Variants in NRG1 observed in about 807,000 individuals in gnomAD.
The protein encoded by NRG1 is pro-neuregulin-1, membrane-bound isoform.
Under a neutral mutation model 63.8 loss-of-function variants are expected in NRG1, and 18 were observed. The observed-to-expected ratio is 0.28, with a 90% CI of 0.19 to 0.42. The LOEUF (loss-of-function observed/expected upper bound fraction) is 0.42, where lower values mean the gene tolerates loss of function less well. NRG1 is among the 10% of genes least tolerant of loss of function. The pLI, the probability that NRG1 is intolerant of heterozygous loss-of-function variation, is 1.00. For synonymous variants in NRG1, 302 were observed against 301.3 expected, an observed-to-expected ratio of 1.00 and a Z score of -0.02; for missense variants, 762 against 814.7, an observed-to-expected ratio of 0.94 and a Z score of 0.79.
intron 1 of NRG1, among the ~76,000 whole-genome samples, chr8:32,530,208 T>G (rs1044138005): frequency 6.6e-6 from 1 of 151,950 alleles, no homozygotes; most frequent in African/African-American, 2.4e-5. Flanking sequence ...CCCGGGTTCA[T>G]GCCATTCTCC....
intron 1 of NRG1, among the ~76,000 whole-genome samples, chr8:32,025,338 T>C (rs900041194): frequency 2.0e-5 from 3 of 152,114 alleles, no homozygotes; most frequent in African/African-American, 7.2e-5. Context: ...TACCATTAGA[T>C]ACATAAAATT....
chr8:32,755,206 G>A (rs16879931), intron 8 of NRG1, among the ~76,000 whole-genome samples: 8,756 of 152,078 alleles, frequency 0.058, 848 homozygotes, highest in African/African-American at 0.2. Context: ...AGTTTGGTCC[G>A]TATTAACAAA....
intron 5 of NRG1, among the ~76,000 whole-genome samples, chr8:32,684,093 G>A (rs562401848): frequency 6.6e-6 from 1 of 152,128 alleles, no homozygotes; most frequent in Non-Finnish European, 1.5e-5. Flanking sequence ...GCTACTCCGG[G>A]AGGCGGAGGT....
chr8:32,216,364 A>G (rs1197157296), intron 1 of NRG1, among the ~76,000 whole-genome samples: 2 of 149,160 alleles, frequency 1.3e-5, no homozygotes, highest in Non-Finnish European at 3.0e-5. Context: ...TTATCATTAT[A>G]TTAAATTCCT....
chr8:32,319,876 A>G (rs1801173392), intron 1 of NRG1, among the ~76,000 whole-genome samples: 1 of 152,178 alleles, frequency 6.6e-6, no homozygotes, highest in African/African-American at 2.4e-5. Flanking sequence ...GCACACTAAT[A>G]TAAATATTAA....
chr8:32,071,462 G>A (rs1320889178), intron 1 of NRG1, among the ~76,000 whole-genome samples: 1 of 152,098 alleles, frequency 6.6e-6, no homozygotes, highest in Non-Finnish European at 1.5e-5. Context: ...GAGCTAGTCT[G>A]GTCCTGGCTA....
rs549349109 is a variant in NRG1 at position 32,601,740 on chromosome 8, A to G, written c.279-3822A>G. Among the ~76,000 whole-genome samples the G allele has an allele frequency of 1.2e-4, 19 of 152,098 alleles. No homozygotes were observed. The South Asian group carries it at 2.7e-3, about 22-fold the overall frequency. Reference sequence around the variant, plus strand: ...TTTAATTATGTTTTTTTATCATCAAATATCATTCCAAAGTATATCCAAAGT... The same window carrying G: ...TTTAATTATGTTTTTTTATCATCAAGTATCATTCCAAAGTATATCCAAAGT... On this transcript the variant is annotated intron_variant, in intron 2 of 11. Coordinates refer to ENST00000356819, the Ensembl canonical transcript of NRG1.
chr8:32,087,506 G>T (rs376892711), intron 1 of NRG1, among the ~76,000 whole-genome samples: 13 of 11,352 alleles, frequency 1.1e-3, no homozygotes, highest in East Asian at 0.012. Flanking sequence ...TTTTGAGATG[G>T]ACTGTCACTC....
chr8:32,596,624 T>C (rs1365271589), intron 2 of NRG1, among the ~76,000 whole-genome samples: 2 of 151,906 alleles, frequency 1.3e-5, no homozygotes, highest in African/African-American at 4.8e-5. Flanking sequence ...TGCAATTTCT[T>C]TAAAATAAGA....
At chr8:31,709,082 A>T (rs879293841) in intron 1 of NRG1, among the ~76,000 whole-genome samples, 6 of 152,118 alleles carry the variant, frequency 3.9e-5, no homozygotes, top group Non-Finnish European at 8.8e-5. Context: ...TTTATTTTTT[A>T]AAATCTGCAT....
At chr8:32,467,026 T>A (rs16879442) in intron 1 of NRG1, among the ~76,000 whole-genome samples, 1 of 152,012 alleles carries the variant, frequency 6.6e-6, no homozygotes, top group Non-Finnish European at 1.5e-5. Flanking sequence ...TTTACTGATA[T>A]TTAGCTTAGC....
intron 1 of NRG1, among the ~76,000 whole-genome samples, chr8:32,511,341 G>T (rs1829175720): frequency 7.0e-6 from 1 of 142,654 alleles, no homozygotes; most frequent in Non-Finnish European, 1.5e-5. Flanking sequence ...ATGTGTGTGT[G>T]TGTGTCTGTC....
chr8:32,048,378 T>C (rs1016297689), intron 1 of NRG1, among the ~76,000 whole-genome samples: 2 of 148,618 alleles, frequency 1.3e-5, no homozygotes, highest in South Asian at 2.1e-4. Flanking sequence ...TACATATATA[T>C]GTATGAATAT....
At chr8:32,773,178 T>C (rs902246282) in intron 7 of NRG1, among the ~76,000 whole-genome samples, 5 of 152,202 alleles carry the variant, frequency 3.3e-5, no homozygotes, top group African/African-American at 9.7e-5. Context: ...CTTTGATTAG[T>C]GGTGGCCCTT....
At chr8:32,635,030 C>T (rs562594614) in intron 5 of NRG1, among the ~76,000 whole-genome samples, 1 of 152,272 alleles carries the variant, frequency 6.6e-6, no homozygotes, top group East Asian at 1.9e-4. Context: ...TATTACTTGG[C>T]ACAATGTCTG....
intron 1 of NRG1, among the ~76,000 whole-genome samples, chr8:31,987,805 C>T (rs1379351440): frequency 6.6e-6 from 1 of 152,078 alleles, no homozygotes; most frequent in Non-Finnish European, 1.5e-5. Context: ...TTTAAATAAC[C>T]TCTATGACTT....
chr8:32,136,031 G>T (rs1835474415), intron 1 of NRG1, among the ~76,000 whole-genome samples: 1 of 152,014 alleles, frequency 6.6e-6, no homozygotes, highest in Non-Finnish European at 1.5e-5. Context: ...GTGCAGATGA[G>T]GGTGGTGTAG....
intron 1 of NRG1, among the ~76,000 whole-genome samples, chr8:31,781,522 T>C (rs1343668654): frequency 6.6e-6 from 1 of 152,116 alleles, no homozygotes; most frequent in Non-Finnish European, 1.5e-5. Context: ...ACATATAATA[T>C]TAAGGAGATG....
intron 5 of NRG1, among the ~76,000 whole-genome samples, chr8:32,677,938 A>G (rs146046479): frequency 2.0e-5 from 3 of 152,304 alleles, no homozygotes; most frequent in Non-Finnish European, 4.4e-5. Flanking sequence ...AATCAGGCCT[A>G]TCATTAAGAA....
Sources: gnomAD v4.1 joint callset for allele counts (sites outside exome capture counted in the v4.1 genomes callset) on GRCh38, gnomAD v4.1.1 for gene constraint, MANE v1.5 for transcripts, NCBI Gene and HGNC (gene_info 2026-07-23, HGNC 2026-07-21) for gene names.